GRIK5: variants seen among roughly 807,000 people sequenced by gnomAD.
GRIK5 encodes glutamate receptor ionotropic, kainate 5.
A neutral mutation model predicts 97.4 loss-of-function variants in GRIK5; 43 were observed. That is an observed-to-expected ratio of 0.44 (90% confidence interval 0.35 to 0.57). The LOEUF (loss-of-function observed/expected upper bound fraction) is 0.57. Ranked by LOEUF, GRIK5 falls within the 20% of genes least tolerant of loss-of-function variation. The pLI, the probability that GRIK5 is intolerant of heterozygous loss-of-function variation, is 0.01. For missense variants in GRIK5, 1,015 were observed against 1,382.0 expected (o/e 0.73, Z 4.21); for synonymous variants, 580 against 583.5 (o/e 0.99, Z 0.09).
At chr19:42,060,831 A>G (rs1040683174) in intron 5 of GRIK5, among the ~76,000 whole-genome samples, 38 of 151,118 alleles carry the variant, frequency 2.5e-4, no homozygotes, top group African/African-American at 9.2e-4. Flanking sequence ...CCACCATTTC[A>G]TTTAAAGTTG....
Position 42,003,431 on chromosome 19 carries a change from A to G in GRIK5, c.2415T>C (p.Gly805=), listed in dbSNP as rs1555871568. ...RAKGLGMENI[G]GIFIVLICGL... Reference sequence around the variant, plus strand: ...CACAGATGAGCACGATAAAAATGCCACCAATGTTCTCCATGCCCAAACCTG... The same window carrying G: ...CACAGATGAGCACGATAAAAATGCCGCCAATGTTCTCCATGCCCAAACCTG... Residue 805 remains glycine, a synonymous_variant, in exon 19 of 20, where the codon GGT becomes GGC. Coordinates refer to ENST00000593562, the MANE Select transcript of GRIK5 (RefSeq NM_002088.5). This position sits in a 1 kb window ranked among gnomAD's most constrained non-coding sequence, Gnocchi z 4.2. The G allele has an allele frequency of 6.2e-7, 1 of 1,613,708 alleles. No homozygotes were observed. The highest frequency in any genetic ancestry group is 1.1e-5 in the South Asian group (1 of 91,046).
In GRIK5 at chr19:42,062,526, T is replaced by C; in HGVS notation, c.470A>G (p.Asn157Ser). ...GCAGATGAGGCTGGCCGAGGGGTAGTTGAAGGACTTGAGGATTCGGGAGAC... is the reference window on the plus strand; with the variant it reads ...GCAGATGAGGCTGGCCGAGGGGTAGCTGAAGGACTTGAGGATTCGGGAGAC... ...LAVSRILKSF[N>S]YPSASLICAK... is the part of the protein sequence containing the mutation. The change falls in exon 5 of 20, where the codon AAC (asparagine) becomes AGC (serine). Residue 157 changes from asparagine to serine, a missense_variant. This residue lies in a region of GRIK5 where 198 missense variants were observed against 218.2 expected (regional missense o/e 0.91). Transcript: ENST00000593562. The surrounding 1 kb of genome is among the most constrained non-coding windows in gnomAD (Gnocchi z 5.3). 1 of 1,610,456 alleles carries C rather than the reference T, an allele frequency of 6.2e-7. No homozygotes were observed.
intron 5 of GRIK5, among the ~76,000 whole-genome samples, chr19:42,060,968 A>T (rs1462812670): frequency 6.6e-6 from 1 of 152,188 alleles, no homozygotes; most frequent in African/African-American, 2.4e-5. Context: ...ATGTACTTGG[A>T]CTACTTCACC....
Position 41,998,825 on chromosome 19 carries a change from C to T in GRIK5, c.*46G>A. 2.0e-6 allele frequency: 2 copies of T among 1,010,134 alleles called. No individual in the cohort carries two copies. The highest frequency in any genetic ancestry group is 2.4e-6 in the Non-Finnish European group (2 of 820,396). The allele number at this position is 1,010,134 out of a possible 1,614,324, so 62.6% of individuals were successfully genotyped here. On this transcript the variant is annotated 3_prime_UTR_variant, in exon 20 of 20. Transcript: ENST00000593562. ...GAGACTGCTGGGGCCTGGGGCGGGC[C>T]CCGTCCCTTCGGTCAGTCCGGGCGC...
chr19:42,020,843 C>T (rs2075687057), intron 15 of GRIK5, among the ~76,000 whole-genome samples: 2 of 152,292 alleles, frequency 1.3e-5, no homozygotes, highest in South Asian at 4.1e-4. Flanking sequence ...AAATGGGCAA[C>T]CAGCAGCCCT....
chr19:42,058,599 A>C (rs1315202758), intron 6 of GRIK5, among the ~76,000 whole-genome samples: 2 of 150,746 alleles, frequency 1.3e-5, no homozygotes, highest in Non-Finnish European at 3.0e-5. Context: ...AGGCTGAGGC[A>C]GGCAGATCAC....
intron 15 of GRIK5, among the ~76,000 whole-genome samples, chr19:42,007,300 G>A (rs546051941): frequency 2.6e-5 from 4 of 152,022 alleles, no homozygotes; most frequent in Admixed American, 6.6e-5. Flanking sequence ...TCACCATGTT[G>A]GCCAGGCTGG....
At chr19:42,055,957 A>G (rs541514775) in intron 8 of GRIK5, among the ~76,000 whole-genome samples, 2 of 151,372 alleles carry the variant, frequency 1.3e-5, no homozygotes, top group East Asian at 3.9e-4. Context: ...TGCTGGGATT[A>G]CAAGTATAAG....
rs2075434308 is a variant in GRIK5, at chr19:42,002,458, AC to A, written c.2514+873del. On this transcript the variant is annotated intron_variant, in intron 19 of 19. Transcript: ENST00000593562. This position sits in a 1 kb window ranked among gnomAD's most constrained non-coding sequence, Gnocchi z 5.2. Reference sequence around the variant, plus strand: ...GGCAACCTGGACACGGGTGGAGGGCACCTTTACTAGCAGCATGGACGGCTCC... The same window carrying A: ...GGCAACCTGGACACGGGTGGAGGGCACTTTACTAGCAGCATGGACGGCTCC... 1 of 717,650 alleles carries A rather than the reference AC, an allele frequency of 1.4e-6. No homozygotes were observed. Among genetic ancestry groups the A allele is most frequent in the South Asian group, 1.5e-5 (1 of 67,596 alleles). The allele number at this position is 717,650 out of a possible 1,614,324, so 44.5% of individuals were successfully genotyped here.
intron 11 of GRIK5, among the ~76,000 whole-genome samples, chr19:42,051,908 T>C (rs929129352): frequency 2.0e-5 from 3 of 152,140 alleles, no homozygotes; most frequent in Admixed American, 2.0e-4. Context: ...TAATGCCACC[T>C]CTGCCAGGAA....
At chr19:42,008,823 G>A (rs782046348) in intron 15 of GRIK5, among the ~76,000 whole-genome samples, 14 of 151,880 alleles carry the variant, frequency 9.2e-5, no homozygotes, top group Non-Finnish European at 1.8e-4. Context: ...GAAAGGAACA[G>A]AAGATATAAA....
intron 1 of GRIK5, among the ~76,000 whole-genome samples, chr19:42,067,186 C>A (rs1275314805): frequency 1.3e-5 from 2 of 152,182 alleles, no homozygotes; most frequent in Non-Finnish European, 2.9e-5. Context: ...GGCCTGGACA[C>A]CGGACCCCAC....
chr19:42,022,738 C>G lies in GRIK5; in HGVS notation c.1474-384G>C. ...CTGACAGCACTCGAGATAATACAGG[C>G]CCGGACAGAACACAGAGCAGGGAGA... is the stretch of plus-strand genomic sequence containing the variant. On this transcript the variant is annotated intron_variant, in intron 12 of 19. Coordinates refer to ENST00000593562, the MANE Select transcript of GRIK5 (RefSeq NM_002088.5). This position sits in a 1 kb window ranked among gnomAD's most constrained non-coding sequence, Gnocchi z 4.2. The G allele has an allele frequency of 1.2e-6, 1 of 842,428 alleles. No homozygotes were observed. The highest frequency in any genetic ancestry group is 1.4e-6 in the Non-Finnish European group (1 of 699,666). 52.2% of individuals were successfully genotyped at this position (842,428 alleles called of 1,614,324 possible). A position where few individuals can be genotyped will look rare whatever the true frequency, so the allele number is the denominator to read the frequency against.
intron 5 of GRIK5, among the ~76,000 whole-genome samples, chr19:42,061,427 C>T (rs139838155): frequency 0.015 from 2,246 of 152,278 alleles, 137 homozygotes; most frequent in East Asian, 0.14. Context: ...CATCCTCCCA[C>T]CTTGGCCTCC....
intron 5 of GRIK5, among the ~76,000 whole-genome samples, chr19:42,061,881 C>T (rs953825199): frequency 3.3e-5 from 5 of 152,226 alleles, no homozygotes; most frequent in East Asian, 1.9e-4. Flanking sequence ...TCGCCCTGCC[C>T]GGCGTGGGGA....
rs1461144973 is a variant in GRIK5, at chr19:42,006,726, C to A, written c.1956G>T (p.Val652=). ...GATCTGCCAGGTCATCGGCCGACTCCACAGGCACCTCCATGCGCTGCACGG... is the reference window on the plus strand; with the variant it reads ...GATCTGCCAGGTCATCGGCCGACTCAACAGGCACCTCCATGCGCTGCACGG... ...FLTVQRMEVP[V]ESADDLADQT... is the part of the protein sequence containing the mutation. The change falls in exon 16 of 20, where the codon GTG becomes GTT. Residue 652 remains valine (V), a synonymous_variant. Transcript: ENST00000593562. This position sits in a 1 kb window ranked among gnomAD's most constrained non-coding sequence, Gnocchi z 5.3. The A allele has an allele frequency of 6.2e-7, 1 of 1,613,868 alleles. No individual in the cohort carries two copies. The highest frequency in any genetic ancestry group is 1.3e-5 in the African/African-American group (1 of 74,952).
chr19:42,003,305 G>GGCCCCCCCCCCCCCCCCCCCC lies in GRIK5; in HGVS notation c.2514+26_2514+27insGGGGGGGGGGGGGGGGGGGGC. 6.5e-7 allele frequency: 1 copy of GGCCCCCCCCCCCCCCCCCCCC among 1,540,744 alleles called. No individual in the cohort carries two copies. Among genetic ancestry groups the GGCCCCCCCCCCCCCCCCCCCC allele is most frequent in the Non-Finnish European group, 8.9e-7 (1 of 1,118,204 alleles). On this transcript the variant is annotated intron_variant, in intron 19 of 19. Transcript: ENST00000593562. The surrounding 1 kb of genome is among the most constrained non-coding windows in gnomAD (Gnocchi z 4.2). The stretch of plus-strand genomic sequence containing the variant: ...TCAGCCCCTGGGGGTCCCTGTTCCT[G>GGCCCCCCCCCCCCCCCCCCCC]CCCACCCCCACCCCCAGCCTCCTCA...
Position 42,022,042 on chromosome 19 carries a change from G to A in GRIK5, c.1602C>T (p.Gly534=). The change falls in exon 14 of 20, where the codon GGC becomes GGT. Residue 534 remains glycine (G), a synonymous_variant. Coordinates refer to ENST00000593562, the MANE Select transcript of GRIK5 (RefSeq NM_002088.5). This position sits in a 1 kb window ranked among gnomAD's most constrained non-coding sequence, Gnocchi z 4.2. ...AGAAGGGGTCCAGGAAGGAGAAGTAGCCAGGCTTGCGGCCCTGTGGGGAGA... is the reference window on the plus strand; with the variant it reads ...AGAAGGGGTCCAGGAAGGAGAAGTAACCAGGCTTGCGGCCCTGTGGGGAGA... ...LYRVHMGRKP[G]YFSFLDPFSP... is the part of the protein sequence containing the mutation. The A allele has an allele frequency of 6.2e-7, 1 of 1,612,678 alleles. No homozygotes were observed. The highest frequency in any genetic ancestry group is 8.5e-7 in the Non-Finnish European group (1 of 1,179,002).
rs1220381387 is a variant in GRIK5 at position 41,998,448 on chromosome 19, AAGAG to A, written c.*419_*422del. The A allele has an allele frequency of 6.6e-6, 1 of 152,374 alleles. No individual in the cohort carries two copies. Among genetic ancestry groups the A allele is most frequent in the African/African-American group, 2.4e-5 (1 of 41,368 alleles). The allele number at this position is 152,374 out of a possible 1,614,324, so 9.4% of individuals were successfully genotyped here. ...AATTCCGAGGTTTCTCCCCCCAAAAAAGAGAGGAAGAGAAGAGTGGAGGGGCACC... is the reference window on the plus strand; with the variant it reads ...AATTCCGAGGTTTCTCCCCCCAAAAAAGGAAGAGAAGAGTGGAGGGGCACC... On this transcript the variant is annotated 3_prime_UTR_variant, in exon 20 of 20. Transcript: ENST00000593562.
Sources: gnomAD v4.1 joint callset for allele counts (sites outside exome capture counted in the v4.1 genomes callset) on GRCh38, gnomAD v4.1.1 for gene constraint, gnomAD v4.1.1 regional missense constraint, Gnocchi (gnomAD v3.1) non-coding constraint, MANE v1.5 for transcripts, NCBI Gene and HGNC (gene_info 2026-07-23, HGNC 2026-07-21) for gene names.